CROCC: variants seen among roughly 807,000 people sequenced by gnomAD.
CROCC encodes rootletin.
A neutral mutation model predicts 245.2 loss-of-function variants in CROCC; 180 were observed. The ratio of observed to expected loss-of-function variants is 0.73; its 90% CI spans 0.65 to 0.83. The LOEUF (loss-of-function observed/expected upper bound fraction) is 0.83. Ranked by LOEUF, CROCC falls within the 40% of genes least tolerant of loss-of-function variation. The pLI is 0.00. For missense variants in CROCC, 2,688 were observed against 2,779.4 expected, an observed-to-expected ratio of 0.97 and a Z score of 0.74; for synonymous variants, 1,205 against 1,241.6, an observed-to-expected ratio of 0.97 and a Z score of 0.62.
chr1:16,937,224 G>A (rs141097757), intron 9 of CROCC, among the ~76,000 whole-genome samples: 18,640 of 150,362 alleles, frequency 0.12, 813 homozygotes, highest in South Asian at 0.2. Flanking sequence ...GTGGTGGCGC[G>A]TGCCTGTAAT....
At chr1:16,952,336 T>C (rs2076176023) in intron 20 of CROCC, among the ~76,000 whole-genome samples, 1 of 151,854 alleles carries the variant, frequency 6.6e-6, no homozygotes, top group African/African-American at 2.4e-5. Context: ...TCACAAAAAA[T>C]TAGCTGGGCG....
intron 17 of CROCC, among the ~76,000 whole-genome samples, chr1:16,947,823 C>T (rs534168814): frequency 9.4e-3 from 1,422 of 151,926 alleles, no homozygotes; most frequent in African/African-American, 0.033. Flanking sequence ...TTTTTTGTTT[C>T]ATTTTGTTTT....
At chr1:16,915,268 C>T (rs1183021367) in intron 1 of CROCC, among the ~76,000 whole-genome samples, 1 of 152,294 alleles carries the variant, frequency 6.6e-6, no homozygotes, top group East Asian at 1.9e-4. Flanking sequence ...CAAGGGGAAT[C>T]ATTTCTTTTT....
At chr1:16,942,641 A>G (rs2075957349) in intron 13 of CROCC, among the ~76,000 whole-genome samples, 1 of 152,398 alleles carries the variant, frequency 6.6e-6, no homozygotes, top group East Asian at 1.9e-4. Context: ...AGCTTGAGAG[A>G]CTGGCTCAGA....
chr1:16,917,276 G>A (rs1248614338), upstream of CROCC, among the ~76,000 whole-genome samples: 27 of 152,260 alleles, frequency 1.8e-4, no homozygotes, highest in African/African-American at 5.8e-4. Flanking sequence ...GGTGGTGCCA[G>A]GAGTGTTAAA....
intron 27 of CROCC, 97 bp from the exon 28 acceptor site, chr1:16,965,626 T>G: frequency 1.1e-6 from 1 of 917,866 alleles, no homozygotes; most frequent in South Asian, 1.5e-5. Flanking sequence ...TGGGCTTGAT[T>G]CTGAGGGCTG....
chr1:16,952,412 G>A (rs2076177213), intron 20 of CROCC, among the ~76,000 whole-genome samples: 1 of 152,018 alleles, frequency 6.6e-6, no homozygotes, highest in African/African-American at 2.4e-5. Context: ...TTCAACCTGG[G>A]AGGCAGAGGT....
intron 27 of CROCC, among the ~76,000 whole-genome samples, chr1:16,963,670 C>T (rs1324631493): frequency 2.0e-5 from 3 of 152,050 alleles, no homozygotes; most frequent in African/African-American, 7.2e-5. Flanking sequence ...GCCCTGGTTC[C>T]ACCCGCCCTG....
chr1:16,937,816 G>C, intron 10 of CROCC, 79 bp downstream of exon 10: 1 of 1,291,576 alleles, frequency 7.7e-7, no homozygotes. Flanking sequence ...CTTAGGGCTG[G>C]GCTGCCTGGG....
rs550692060 is a variant in CROCC, at chr1:16,972,471, C to G, written c.*25C>G. ...AGCTCCTGCTGGCATCTGGAGAACA[C>G]CCCTGTGCCTGGGACAGGGGAGGAC... is the stretch of plus-strand genomic sequence containing the variant. On this transcript the variant is annotated 3_prime_UTR_variant, in exon 37 of 37. Coordinates refer to ENST00000375541, the MANE Select transcript of CROCC (RefSeq NM_014675.5). 1 of 1,584,026 alleles carries G rather than the reference C, an allele frequency of 6.3e-7. No homozygotes were observed. Among genetic ancestry groups the G allele is most frequent in the Non-Finnish European group, 8.7e-7 (1 of 1,155,522 alleles).
chr1:16,970,864 A>G, intron 35 of CROCC, 97 bp downstream of exon 35: 1 of 1,378,182 alleles, frequency 7.3e-7, no homozygotes, highest in Non-Finnish European at 9.5e-7. Flanking sequence ...CAGGGCCCAT[A>G]ACCCCCTCCC....
Position 16,930,607 on chromosome 1 carries a change from G to A in CROCC, c.849+13G>A, listed in dbSNP as rs1429697042. On this transcript the variant is annotated intron_variant, in intron 7 of 36. Transcript: ENST00000375541. ...GCGCGAGGAGGAGGTGGGCATGGGG[G>A]TGCAGGGAGGCCAGCCTGACCCAAG... 2 of 1,601,230 alleles carry A rather than the reference G, an allele frequency of 1.2e-6. No homozygotes were observed. The highest frequency in any genetic ancestry group is 4.5e-5 in the East Asian group (2 of 44,644).
chr1:16,955,264 C>CAG (rs1553158789), intron 23 of CROCC, 48 bp from the exon 24 acceptor site: 2 of 1,571,240 alleles, frequency 1.3e-6, no homozygotes, highest in Non-Finnish European at 1.7e-6. Flanking sequence ...CCCAGCTTGA[C>CAG]GGGGGGGTCC....
At chr1:16,939,177 G>A in intron 12 of CROCC, 35 bp downstream of exon 12, 1 of 1,409,504 alleles carries the variant, frequency 7.1e-7, no homozygotes, top group Non-Finnish European at 9.2e-7. Flanking sequence ...GGCGCAGCCA[G>A]AGGCCTGGGG....
chr1:16,919,649 G>T (rs551646293), upstream of CROCC, among the ~76,000 whole-genome samples: 3 of 152,410 alleles, frequency 2.0e-5, no homozygotes, highest in East Asian at 5.8e-4. Flanking sequence ...CTAAGGGCAG[G>T]AGCCCAGACA....
intron 5 of CROCC, 22 bp downstream of exon 5, chr1:16,930,229 G>C: frequency 6.3e-7 from 1 of 1,586,956 alleles, no homozygotes; most frequent in Non-Finnish European, 8.6e-7. Flanking sequence ...TGTGGGGCAG[G>C]GGCAGGCCCT....
Position 16,930,496 on chromosome 1 carries a change from C to T in CROCC, c.751C>T (p.Gln251Ter), listed in dbSNP as rs775975023. 6.8e-6 allele frequency: 11 copies of T among 1,612,446 alleles called. No individual in the cohort carries two copies. The highest frequency in any genetic ancestry group is 2.2e-5 in the South Asian group (2 of 90,956). ...EQLDQAGSAN[Q>*]ALSEDIRKVT... ...GCTGGACCAGGCAGGCTCGGCCAACCAGGCTCTGAGTGAGGACATACGAAA... is the reference window on the plus strand; with the variant it reads ...GCTGGACCAGGCAGGCTCGGCCAACTAGGCTCTGAGTGAGGACATACGAAA... Residue 251 changes from glutamine to a stop codon, truncating the protein, a stop_gained, in exon 7 of 37, where the codon CAG becomes TAG. Transcript: ENST00000375541. LOFTEE classifies it high-confidence loss of function.
chr1:16,970,515 T>A, intron 34 of CROCC, 62 bp downstream of exon 34: 1 of 1,494,980 alleles, frequency 6.7e-7, no homozygotes, highest in Non-Finnish European at 9.0e-7. Context: ...TGGATCCCAC[T>A]GCACATCCCC....
chr1:16,928,525 C>T (rs575427070), intron 3 of CROCC, among the ~76,000 whole-genome samples: 3 of 152,176 alleles, frequency 2.0e-5, no homozygotes, highest in Admixed American at 6.5e-5. Context: ...AGTCTTGGGC[C>T]GGATGCTGTG....
Sources: gnomAD v4.1 joint callset for allele counts (sites outside exome capture counted in the v4.1 genomes callset) on GRCh38, gnomAD v4.1.1 for gene constraint, MANE v1.5 for transcripts, NCBI Gene and HGNC (gene_info 2026-07-23, HGNC 2026-07-21) for gene names.